The following SORCS3 variants were observed in gnomAD, a reference collection of about 807,000 sequenced individuals.
SORCS3 encodes VPS10 domain-containing receptor SorCS3.
A neutral mutation model predicts 146.3 loss-of-function variants in SORCS3; 57 were observed. The ratio of observed to expected loss-of-function variants is 0.39; its 90% CI spans 0.31 to 0.49. SORCS3 has a LOEUF of 0.49. SORCS3 is among the 20% of genes least tolerant of loss of function. The probability of loss-of-function intolerance (pLI) is 0.92; values close to 1 mark genes in which losing one functional copy is unlikely to be tolerated. For missense variants in SORCS3, 1,341 were observed against 1,575.5 expected, an observed-to-expected ratio of 0.85 and a Z score of 2.52; for synonymous variants, 653 against 618.5, an observed-to-expected ratio of 1.06 and a Z score of -0.83.
At chr10:105,221,507 ATGT>A (rs1205054536) in intron 19 of SORCS3, among the ~76,000 whole-genome samples, 2 of 152,226 alleles carry the variant, frequency 1.3e-5, no homozygotes, top group African/African-American at 2.4e-5. Context: ...GGCAGAGCAA[ATGT>A]TGTCCCTTAT....
chr10:104,798,486 A>G (rs2017584531), intron 1 of SORCS3, among the ~76,000 whole-genome samples: 1 of 152,320 alleles, frequency 6.6e-6, no homozygotes, highest in African/African-American at 2.4e-5. Context: ...AGCACAACAT[A>G]CTTATTAGAA....
intron 8 of SORCS3, among the ~76,000 whole-genome samples, chr10:105,140,320 A>C (rs371597105): frequency 1.7e-4 from 26 of 151,086 alleles, no homozygotes; most frequent in African/African-American, 6.3e-4. Context: ...TTCATTCATT[A>C]ATTTATGCAT....
chr10:105,028,148 G>A (rs2055243055), intron 4 of SORCS3, among the ~76,000 whole-genome samples: 1 of 152,134 alleles, frequency 6.6e-6, no homozygotes, highest in Non-Finnish European at 1.5e-5. Context: ...GTATATATAA[G>A]TAGGTTTTCT....
intron 7 of SORCS3, among the ~76,000 whole-genome samples, chr10:105,116,780 G>A (rs944941976): frequency 1.3e-5 from 2 of 152,076 alleles, no homozygotes; most frequent in African/African-American, 2.4e-5. Flanking sequence ...AAACTAACAC[G>A]GAAATAGAAA....
intron 23 of SORCS3, 62 bp from the exon 24 acceptor site, chr10:105,255,640 A>T: frequency 1.8e-6 from 2 of 1,136,466 alleles, no homozygotes; most frequent in Admixed American, 1.8e-5. Context: ...TTGGTTTCTT[A>T]CCCCATGAGG....
chr10:105,158,125 C>G (rs2056228479), intron 10 of SORCS3, among the ~76,000 whole-genome samples: 1 of 152,150 alleles, frequency 6.6e-6, no homozygotes, highest in South Asian at 2.1e-4. Context: ...AGAGAAATGC[C>G]TGCTTACCTC....
In SORCS3 at chr10:105,196,246, T is replaced by C. The variant is rs117574914; in HGVS notation, c.2010-3753T>C. 6.6e-3 allele frequency among the ~76,000 whole-genome samples: 1,007 copies of C among 152,290 alleles called. 6 individuals carry two copies. Among genetic ancestry groups the C allele is most frequent in the Non-Finnish European group, 9.6e-3 (651 of 68,022 alleles). Reference sequence around the variant, plus strand: ...TCCATAGATCAAGCCTGAGCTTGAATTTCTATGCTTACTAACTTTTGAGCA... The same window carrying C: ...TCCATAGATCAAGCCTGAGCTTGAACTTCTATGCTTACTAACTTTTGAGCA... On this transcript the variant is annotated intron_variant, in intron 14 of 26. Transcript: ENST00000369701.
intron 1 of SORCS3, among the ~76,000 whole-genome samples, chr10:104,736,018 T>G (rs2016767500): frequency 6.6e-6 from 1 of 152,182 alleles, no homozygotes; most frequent in African/African-American, 2.4e-5. Flanking sequence ...GAGGCTCAGT[T>G]GAACTCATTT....
At position 104,890,498 on chromosome 10, in the gene SORCS3, C is replaced by T. The variant is rs116767751; in HGVS notation, c.696-25335C>T. Among the ~76,000 whole-genome samples, 838 of 152,068 alleles carry T rather than the reference C, an allele frequency of 5.5e-3. 14 individuals carry two copies. The highest frequency in any genetic ancestry group is 0.019 in the African/African-American group (778 of 41,496). Reference sequence around the variant, plus strand: ...CATTAATCCCTTTTAGTGTACTTTTCATCTCATTCATTATAATTTTCATAT... The same window carrying T: ...CATTAATCCCTTTTAGTGTACTTTTTATCTCATTCATTATAATTTTCATAT... On this transcript the variant is annotated intron_variant, in intron 2 of 26. Transcript: ENST00000369701.
At chr10:104,913,624 G>A (rs1413283741) in intron 2 of SORCS3, among the ~76,000 whole-genome samples, 1 of 152,148 alleles carries the variant, frequency 6.6e-6, no homozygotes, top group Non-Finnish European at 1.5e-5. Context: ...GTACATTTTG[G>A]AGAAAGGAGA....
At chr10:104,796,544 T>C (rs917655755) in intron 1 of SORCS3, among the ~76,000 whole-genome samples, 3 of 152,200 alleles carry the variant, frequency 2.0e-5, no homozygotes, top group African/African-American at 7.2e-5. Context: ...GCTTCACAAT[T>C]ATTTTTATGA....
intron 1 of SORCS3, among the ~76,000 whole-genome samples, chr10:104,759,280 C>G (rs1201905091): frequency 6.6e-6 from 1 of 152,184 alleles, no homozygotes; most frequent in Non-Finnish European, 1.5e-5. Context: ...TCTGTCCACA[C>G]CTTAATCTTG....
At chr10:104,649,635 G>C (rs1397236467) in intron 1 of SORCS3, among the ~76,000 whole-genome samples, 1 of 152,160 alleles carries the variant, frequency 6.6e-6, no homozygotes, top group African/African-American at 2.4e-5. Flanking sequence ...CAGTCAATGA[G>C]TCTTTGCCAT....
At chr10:105,168,736 C>A (rs752509554) in intron 13 of SORCS3, among the ~76,000 whole-genome samples, 2 of 152,016 alleles carry the variant, frequency 1.3e-5, no homozygotes, top group Non-Finnish European at 2.9e-5. Context: ...TAAGTGAAAC[C>A]GTATGAAATC....
chr10:105,180,029 T>A lies in SORCS3; in HGVS notation c.2009+1856T>A, dbSNP rs139226420. 3.5e-3 allele frequency among the ~76,000 whole-genome samples: 534 copies of A among 152,332 alleles called. 6 individuals carry two copies. The highest frequency in any genetic ancestry group is 0.012 in the African/African-American group (502 of 41,570). Reference sequence around the variant, plus strand: ...AGGTTCTGTTGCTTTCTCTTATCCATTGATTTGGAGAATTTATATATTTAA... The same window carrying A: ...AGGTTCTGTTGCTTTCTCTTATCCAATGATTTGGAGAATTTATATATTTAA... On this transcript the variant is annotated intron_variant, in intron 14 of 26. Transcript: ENST00000369701.
intron 1 of SORCS3, among the ~76,000 whole-genome samples, chr10:104,654,926 T>G (rs2015607683): frequency 6.6e-6 from 1 of 152,224 alleles, no homozygotes; most frequent in Non-Finnish European, 1.5e-5. Flanking sequence ...ACACTCATTA[T>G]CCAAATACCT....
chr10:104,822,366 G>T (rs2017883456), intron 1 of SORCS3, among the ~76,000 whole-genome samples: 1 of 152,160 alleles, frequency 6.6e-6, no homozygotes, highest in African/African-American at 2.4e-5. Context: ...GAGATATTTT[G>T]CCAAAGATAA....
intron 1 of SORCS3, among the ~76,000 whole-genome samples, chr10:104,824,715 A>C (rs535193259): frequency 7.6e-4 from 115 of 152,316 alleles, no homozygotes; most frequent in African/African-American, 2.7e-3. Context: ...CTTTGCCCTC[A>C]TCCGAAGCAG....
chr10:105,156,988 A>G (rs779095920), intron 9 of SORCS3, 150 bp from the exon 10 acceptor site: 6 of 831,144 alleles, frequency 7.2e-6, no homozygotes, highest in Non-Finnish European at 1.1e-5. Flanking sequence ...CAGAGACCAC[A>G]TGGCATTCAA....
Sources: allele counts gnomAD v4.1 joint callset (sites outside exome capture counted in the v4.1 genomes callset), GRCh38; gene constraint gnomAD v4.1.1; transcripts MANE v1.5; gene names NCBI Gene and HGNC (gene_info 2026-07-23, HGNC 2026-07-21).